Variants in AJM1 observed in about 807,000 individuals in gnomAD.
AJM1 encodes the protein apical junction component 1 homolog, also known as uncharacterized protein C9orf172.
Under a neutral mutation model 43.0 loss-of-function variants are expected in AJM1, and 22 were observed. The observed-to-expected ratio is 0.51, with a 90% CI of 0.37 to 0.73. The LOEUF (loss-of-function observed/expected upper bound fraction) is 0.73. Among genes scored for constraint, AJM1 ranks in the 30% least tolerant of loss-of-function variants. The pLI is 0.00. For synonymous variants in AJM1, 719 were observed against 638.3 expected (o/e 1.13, Z -1.91); for missense variants, 1,305 against 1,343.3 (o/e 0.97, Z 0.45).
At position 136,846,700 on chromosome 9, in the gene AJM1, C is replaced by G. The variant is rs748825307; in HGVS notation, c.2286C>G (p.Ala762=). Residue 762 remains alanine (A), a synonymous_variant, in exon 3 of 3, where the codon GCC becomes GCG. Transcript: ENST00000436881. ...TGGGCTTCCCAAGTCCAGGCTCGGC[C>G]GACAACTTCCTGCGCTTTGGCCTGG... ...LFLGFPSPGS[A]DNFLRFGLEG... The G allele has an allele frequency of 1.0e-5, 16 of 1,604,294 alleles. No homozygotes were observed. Among genetic ancestry groups the G allele is most frequent in the Non-Finnish European group, 6.8e-6 (8 of 1,178,810 alleles).
rs778752250 is a variant in AJM1, at chr9:136,846,801, C to T, written c.2387C>T (p.Ala796Val). 1.3e-6 allele frequency: 2 copies of T among 1,592,664 alleles called. No homozygotes were observed. Among genetic ancestry groups the T allele is most frequent in the Admixed American group, 1.7e-5 (1 of 59,088 alleles). ...CACGCGGCGCCCCTGGGCAGCTACGCGCGCGAGCTGGCGGCCGCTGGGCGC... is the reference window on the plus strand; with the variant it reads ...CACGCGGCGCCCCTGGGCAGCTACGTGCGCGAGCTGGCGGCCGCTGGGCGC... Reference protein sequence around the residue: ...ATHAAPLGSYARELAAAGRLY... With the variant: ...ATHAAPLGSYVRELAAAGRLY... Residue 796 changes from alanine to valine, a missense_variant, in exon 3 of 3, where the codon GCG becomes GTG. Ala to Val is a moderately conservative substitution (Grantham distance 64). This residue lies in a region of AJM1 where 391 missense variants were observed against 507.5 expected (regional missense o/e 0.77). Transcript: ENST00000436881.
At chr9:136,844,303 G>C (rs968299081) in intron 2 of AJM1, 24 bp downstream of exon 2, 17 of 869,414 alleles carry the variant, frequency 2.0e-5, no homozygotes, top group Non-Finnish European at 2.8e-5. Context: ...GCGTGGGGGA[G>C]TAGCGGGGCC....
Position 136,844,531 on chromosome 9 carries a change from T to G in AJM1, c.117T>G (p.Pro39=), listed in dbSNP as rs1848740064. The G allele has an allele frequency of 6.2e-7, 1 of 1,607,220 alleles. No individual in the cohort carries two copies. The highest frequency in any genetic ancestry group is 1.1e-5 in the South Asian group (1 of 90,412). ...CATGTGAGCGATCCGTGGCCCGGCC[T>G]GCTGAGCCCGCGCCTTTCAACAAGC... The part of the protein sequence containing the change: ...CSPCERSVAR[P]AEPAPFNKRH... The change falls in exon 3 of 3, where the codon CCT becomes CCG. Residue 39 remains proline, a synonymous_variant. Transcript: ENST00000436881.
Position 136,846,796 on chromosome 9 carries a change from C to T in AJM1, c.2382C>T (p.Ser794=). The T allele has an allele frequency of 6.3e-7, 1 of 1,593,694 alleles. No individual in the cohort carries two copies. The highest frequency in any genetic ancestry group is 8.5e-7 in the Non-Finnish European group (1 of 1,176,014). Residue 794 remains serine, a synonymous_variant, in exon 3 of 3, where the codon AGC becomes AGT. Coordinates refer to ENST00000436881, the MANE Select transcript of AJM1 (RefSeq NM_001080482.5). ...ELATHAAPLG[S]YARELAAAGR... The stretch of plus-strand genomic sequence containing the variant: ...CCACACACGCGGCGCCCCTGGGCAG[C>T]TACGCGCGCGAGCTGGCGGCCGCTG...
Position 136,845,666 on chromosome 9 carries a change from T to C in AJM1, c.1252T>C (p.Ser418Pro). The change falls in exon 3 of 3, where the codon TCT becomes CCT. Residue 418 changes from serine to proline, a missense_variant. Physicochemically the swap from Ser to Pro is moderately conservative, Grantham distance 74. Transcript: ENST00000436881. ...CCGCACCCTGCAAGTGGTGCCGCCC[T>C]CTGACCCCGACCCGTTGCTCGCCTC... ...PYRTLQVVPPSDPDPLLASWH... is the reference protein window; with the variant it reads ...PYRTLQVVPPPDPDPLLASWH... The C allele has an allele frequency of 1.3e-6, 2 of 1,576,524 alleles. No individual in the cohort carries two copies. Among genetic ancestry groups the C allele is most frequent in the Non-Finnish European group, 1.7e-6 (2 of 1,169,026 alleles).
At position 136,847,527 on chromosome 9, in the gene AJM1, G is replaced by T; in HGVS notation, c.*182G>T. ...TCCGCTCAGTTCGGCCTCCAGCTCC[G>T]CCCAGGCCCCCACCCCCCGGCCCTT... On this transcript the variant is annotated 3_prime_UTR_variant, in exon 3 of 3. Transcript: ENST00000436881. 1 of 512,362 alleles carries T rather than the reference G, an allele frequency of 2.0e-6. No individual in the cohort carries two copies. The allele number at this position is 512,362 out of a possible 1,614,324, so 31.7% of individuals were successfully genotyped here.
Position 136,847,036 on chromosome 9 carries a change from C to T in AJM1, c.2622C>T (p.Ile874=). The part of the protein sequence containing the change: ...RSREPDMETL[I]LTPPPGTAGL... ...GCGAGCCCGACATGGAGACGCTGAT[C>T]CTGACGCCACCGCCGGGCACGGCGG... Residue 874 remains isoleucine (I), a synonymous_variant, in exon 3 of 3, where the codon ATC becomes ATT. Coordinates refer to ENST00000436881, the MANE Select transcript of AJM1 (RefSeq NM_001080482.5). 1 of 1,345,644 alleles carries T rather than the reference C, an allele frequency of 7.4e-7. No individual in the cohort carries two copies. The highest frequency in any genetic ancestry group is 9.9e-7 in the Non-Finnish European group (1 of 1,007,002). The allele number at this position is 1,345,644 out of a possible 1,614,324, so 83.4% of individuals were successfully genotyped here.
rs1588379801 is a variant in AJM1, at chr9:136,844,307, C to T, written c.-60+28C>T. On this transcript the variant is annotated intron_variant, in intron 2 of 2. Coordinates refer to ENST00000436881, the MANE Select transcript of AJM1 (RefSeq NM_001080482.5). ...AAGCCGGGCCAGCGTGGGGGAGTAG[C>T]GGGGCCTGGGCTGCGGAGGGGGCCG... is the stretch of plus-strand genomic sequence containing the variant. The T allele has an allele frequency of 1.7e-5, 15 of 900,672 alleles. No homozygotes were observed. In the East Asian group the frequency reaches 3.8e-4, roughly 23 times the overall value. The allele number at this position is 900,672 out of a possible 1,614,324, so 55.8% of individuals were successfully genotyped here.
At position 136,846,079 on chromosome 9, in the gene AJM1, G is replaced by T; in HGVS notation, c.1665G>T (p.Gly555=). The change falls in exon 3 of 3, where the codon GGG becomes GGT. Residue 555 remains glycine (G), a synonymous_variant. Transcript: ENST00000436881. The part of the protein sequence containing the change: ...RPSARAWELP[G]GRTRPPPHAA... ...GCGCCAGGGCCTGGGAGTTGCCCGG[G>T]GGCCGCACGCGGCCACCTCCCCACG... The T allele has an allele frequency of 3.3e-6, 5 of 1,532,356 alleles. No homozygotes were observed. The South Asian group carries it at 6.0e-5, about 18-fold the overall frequency. The allele number at this position is 1,532,356 out of a possible 1,614,324, so 94.9% of individuals were successfully genotyped here.
chr9:136,846,985 C>G lies in AJM1; in HGVS notation c.2571C>G (p.Pro857=), dbSNP rs1475624983. ...AGGTAGCGCTGGCGGCCGGCAGCCCCGCGCGGCCGCCCCCGGCGCGGAGCC... is the reference window on the plus strand; with the variant it reads ...AGGTAGCGCTGGCGGCCGGCAGCCCGGCGCGGCCGCCCCCGGCGCGGAGCC... ...FAKVALAAGS[P]ARPPPARSRE... Residue 857 remains proline (P), a synonymous_variant, in exon 3 of 3, where the codon CCC becomes CCG. Transcript: ENST00000436881. 4 of 1,233,792 alleles carry G rather than the reference C, an allele frequency of 3.2e-6. No homozygotes were observed. Among genetic ancestry groups the G allele is most frequent in the African/African-American group, 1.6e-5 (1 of 62,460 alleles). 76.4% of individuals were successfully genotyped at this position (1,233,792 alleles called of 1,614,324 possible).
At position 136,847,339 on chromosome 9, in the gene AJM1, C is replaced by CAT; in HGVS notation, c.2926_2927dup (p.Met976IlefsTer125). 1 of 1,514,480 alleles carries CAT rather than the reference C, an allele frequency of 6.6e-7. No individual in the cohort carries two copies. The highest frequency in any genetic ancestry group is 8.8e-7 in the Non-Finnish European group (1 of 1,133,970). 93.8% of individuals were successfully genotyped at this position (1,514,480 alleles called of 1,614,324 possible). A position where few individuals can be genotyped will look rare whatever the true frequency, so the allele number is the denominator to read the frequency against. On this transcript the variant is annotated frameshift_variant, in exon 3 of 3. Coordinates refer to ENST00000436881, the MANE Select transcript of AJM1 (RefSeq NM_001080482.5). LOFTEE classifies it high-confidence loss of function. ...CCAGCGCCAACCTGCTGGACGACAT[C>CAT]ATGTGAGGCGCCGGGCCCACCAGGC...
Position 136,845,185 on chromosome 9 carries a change from C to A in AJM1, c.771C>A (p.Pro257=). ...CCCGGGCGTTCTACTGCGACGGGCC[C>A]CTGCCTGGGCCCCGGGACTACGCCG... ...ADPRAFYCDG[P]LPGPRDYAER... is the part of the protein sequence containing the mutation. The change falls in exon 3 of 3, where the codon CCC becomes CCA. Residue 257 remains proline (P), a synonymous_variant. Transcript: ENST00000436881. 1.3e-6 allele frequency: 2 copies of A among 1,588,028 alleles called. No individual in the cohort carries two copies. Among genetic ancestry groups the A allele is most frequent in the Non-Finnish European group, 1.7e-6 (2 of 1,175,362 alleles).
In AJM1 at chr9:136,845,244, G is replaced by A. The variant is rs758289193; in HGVS notation, c.830G>A (p.Gly277Asp). The change falls in exon 3 of 3, where the codon GGC (glycine) becomes GAC (aspartate). Residue 277 changes from glycine (G) to aspartate (D), a missense_variant. Around this residue, in one of 6 missense-constraint regions of AJM1, gnomAD observed 653 missense variants for 549.1 expected, o/e 1.19. Transcript: ENST00000436881. The part of the protein sequence containing the change: ...RRSLPFTTPP[G>D]PTQFFYTEEP... ...AGTCTGCCCTTCACCACCCCGCCGG[G>A]CCCCACCCAGTTCTTCTATACAGAG... 4.4e-6 allele frequency: 7 copies of A among 1,600,844 alleles called. No homozygotes were observed. The highest frequency in any genetic ancestry group is 5.9e-6 in the Non-Finnish European group (7 of 1,178,256).
In AJM1 at chr9:136,845,290, C is replaced by A. The variant is rs1047400352; in HGVS notation, c.876C>A (p.Gly292=). ...CAGAGGAGCCCCAAGGCTTCCGGGG[C>A]AGCTTTGCAGCCAGTCCCGGCCCAA... ...FYTEEPQGFR[G]SFAASPGPTF... is the part of the protein sequence containing the mutation. Residue 292 remains glycine, a synonymous_variant, in exon 3 of 3, where the codon GGC becomes GGA. Coordinates refer to ENST00000436881, the MANE Select transcript of AJM1 (RefSeq NM_001080482.5). 3 of 1,610,748 alleles carry A rather than the reference C, an allele frequency of 1.9e-6. No individual in the cohort carries two copies. The highest frequency in any genetic ancestry group is 2.5e-6 in the Non-Finnish European group (3 of 1,179,734).
In AJM1 at chr9:136,847,398, C is replaced by G; in HGVS notation, c.*53C>G. 2 of 1,355,626 alleles carry G rather than the reference C, an allele frequency of 1.5e-6. No homozygotes were observed. Among genetic ancestry groups the G allele is most frequent in the Non-Finnish European group, 1.9e-6 (2 of 1,043,330 alleles). 84.0% of individuals were successfully genotyped at this position (1,355,626 alleles called of 1,614,324 possible). ...GGCGCTGGCCCGAACCCTGCCCTGC[C>G]CACTCAGGCCCCGCCCGGCCCACCC... is the stretch of plus-strand genomic sequence containing the variant. On this transcript the variant is annotated 3_prime_UTR_variant, in exon 3 of 3. Transcript: ENST00000436881.
chr9:136,845,412 C>T lies in AJM1; in HGVS notation c.998C>T (p.Thr333Ile), dbSNP rs1279726536. The change falls in exon 3 of 3, where the codon ACC becomes ATC. Residue 333 changes from threonine to isoleucine, a missense_variant. Thr to Ile is a moderately conservative substitution (Grantham distance 89). Coordinates refer to ENST00000436881, the MANE Select transcript of AJM1 (RefSeq NM_001080482.5). ...GGCTACTACGCAGGAGAGGTGCGCA[C>T]CTTCCCAATCCAGGAACCGCCCTCC... is the stretch of plus-strand genomic sequence containing the variant. The part of the protein sequence containing the change: ...MGGYYAGEVR[T>I]FPIQEPPSRS... 1 of 1,612,466 alleles carries T rather than the reference C, an allele frequency of 6.2e-7. No homozygotes were observed. Among genetic ancestry groups the T allele is most frequent in the East Asian group, 2.2e-5 (1 of 44,874 alleles).
chr9:136,843,003 G>C (rs905589062), intron 1 of AJM1, among the ~76,000 whole-genome samples: 1 of 147,164 alleles, frequency 6.8e-6, no homozygotes, highest in Non-Finnish European at 1.5e-5. Context: ...GTGGAGGGGG[G>C]AGATGGGGGG....
Position 136,847,718 on chromosome 9 carries a change from G to T in AJM1, c.*373G>T, listed in dbSNP as rs1848800906. On this transcript the variant is annotated 3_prime_UTR_variant, in exon 3 of 3. Transcript: ENST00000436881. ...GGGAGGCGGGGTGGGCCTGAGGACC[G>T]CCGAGCTCTGCCTTCACTCGGAGGG... 4.3e-6 allele frequency: 1 copy of T among 232,192 alleles called. No individual in the cohort carries two copies. Among genetic ancestry groups the T allele is most frequent in the Non-Finnish European group, 8.3e-6 (1 of 119,804 alleles). 14.4% of individuals were successfully genotyped at this position (232,192 alleles called of 1,614,324 possible).
In AJM1 at chr9:136,845,993, TG is replaced by T; in HGVS notation, c.1581del (p.Trp527CysfsTer3). Reference sequence around the variant, plus strand: ...CGCGGGCGAGGGCCTGGGCCGCAACTGGTACGTGACGCCCGAGATCACCATC... The same window carrying T: ...CGCGGGCGAGGGCCTGGGCCGCAACTGTACGTGACGCCCGAGATCACCATC... ...GRAGEGLGRN[W>X]YVTPEITITD... On this transcript the variant is annotated frameshift_variant, in exon 3 of 3. Transcript: ENST00000436881. LOFTEE classifies it high-confidence loss of function. 1 of 1,552,042 alleles carries T rather than the reference TG, an allele frequency of 6.4e-7. No individual in the cohort carries two copies. The highest frequency in any genetic ancestry group is 8.7e-7 in the Non-Finnish European group (1 of 1,149,480).
Sources: allele counts gnomAD v4.1 joint callset (sites outside exome capture counted in the v4.1 genomes callset), GRCh38; gene constraint gnomAD v4.1.1; regional missense constraint gnomAD v4.1.1; transcripts MANE v1.5; gene names NCBI Gene and HGNC (gene_info 2026-07-23, HGNC 2026-07-21).